Variants in TMIGD2 observed in about 807,000 individuals in gnomAD.
TMIGD2 encodes transmembrane and immunoglobulin domain-containing protein 2.
TMIGD2 carries 18 observed loss-of-function variants against 22.6 expected under a neutral mutation model. That is an observed-to-expected ratio of 0.80 (90% confidence interval 0.55 to 1.18). The LOEUF is 1.18. TMIGD2 is among the 50% of genes most tolerant of loss of function. The pLI is 0.00. For synonymous variants in TMIGD2, 184 were observed against 154.1 expected (o/e 1.19, Z -1.44); for missense variants, 361 against 378.2 (o/e 0.95, Z 0.38).
At position 4,294,093 on chromosome 19, in the gene TMIGD2, C is replaced by T. The variant is rs533158772; in HGVS notation, c.562+474G>A. The stretch of plus-strand genomic sequence containing the variant: ...TTAAATTTTTTTTTTTTTGAGACCG[C>T]GTCTTGCTCTGTCACCCAGGCTAGA... On this transcript the variant is annotated intron_variant, in intron 4 of 4. Coordinates refer to ENST00000301272, the Ensembl canonical transcript of TMIGD2. 2.6e-4 allele frequency among the ~76,000 whole-genome samples: 37 copies of T among 144,414 alleles called. 1 individual carries two copies. In the South Asian group the frequency reaches 4.4e-3, roughly 17 times the overall value. The allele number at this position is 144,414 out of a possible 152,430, so 94.7% of individuals were successfully genotyped here.
At chr19:4,297,786 C>A (rs113674560) in intron 2 of TMIGD2, among the ~76,000 whole-genome samples, 200 bp downstream of exon 2, 2 of 149,746 alleles carry the variant, frequency 1.3e-5, no homozygotes, top group Non-Finnish European at 3.0e-5. Context: ...ACCTAGGAGG[C>A]GGAGGTTGCA....
exon 2 of TMIGD2, chr19:4,298,039 A>G: frequency 6.2e-7 from 1 of 1,612,576 alleles, no homozygotes; most frequent in Non-Finnish European, 8.5e-7. Flanking sequence ...CAACTCAGGA[A>G]TCTCTACGGC....
At chr19:4,295,096 A>G (rs567517693) in intron 2 of TMIGD2, among the ~76,000 whole-genome samples, 2 of 137,540 alleles carry the variant, frequency 1.5e-5, no homozygotes, top group South Asian at 2.5e-4. Context: ...CCCCATCTCT[A>G]CAAAAAAATA....
At chr19:4,300,774 G>A (rs1427372100) in intron 1 of TMIGD2, among the ~76,000 whole-genome samples, 2 of 152,190 alleles carry the variant, frequency 1.3e-5, no homozygotes, top group African/African-American at 2.4e-5. Flanking sequence ...TGTGCCTGGC[G>A]TGTTGGAGGA....
At chr19:4,295,765 GAGCCTA>G (rs935161339) in intron 2 of TMIGD2, among the ~76,000 whole-genome samples, 25 of 152,186 alleles carry the variant, frequency 1.6e-4, no homozygotes, top group Middle Eastern at 3.4e-3. Flanking sequence ...GAGGCTCAGA[GAGCCTA>G]AGTCACTTGC....
chr19:4,292,872 G>A (rs1484467607), exon 5 of TMIGD2: 8 of 1,613,678 alleles, frequency 5.0e-6, no homozygotes, highest in Admixed American at 1.7e-5. Context: ...GGACGTTGCT[G>A]TAGAATGCAT....
At chr19:4,297,873 A>T in intron 2 of TMIGD2, 113 bp downstream of exon 2, 2 of 1,339,692 alleles carry the variant, frequency 1.5e-6, no homozygotes, top group South Asian at 1.7e-5. Context: ...AAAAAAAAAA[A>T]AGTTTGATAT....
Position 4,300,341 on chromosome 19 carries a change from G to A in TMIGD2, c.47-1996C>T, listed in dbSNP as rs1254729604. On this transcript the variant is annotated intron_variant, in intron 1 of 4. Coordinates refer to ENST00000301272, the Ensembl canonical transcript of TMIGD2. ...TGGGAGGCAGAGGCGGGCGGATCAC[G>A]AGGTCAGGAGATCAAGACCATCCTG... Among the ~76,000 whole-genome samples the A allele has an allele frequency of 3.3e-5, 5 of 151,036 alleles. 1 individual carries two copies. Among genetic ancestry groups the A allele is most frequent in the Middle Eastern group, 3.4e-3 (1 of 292 alleles).
At chr19:4,292,597 T>C in exon 5 of TMIGD2, 1 of 1,612,834 alleles carries the variant, frequency 6.2e-7, no homozygotes. Flanking sequence ...TCCTGGGATC[T>C]CTCACTCCTC....
chr19:4,292,594 A>G, exon 5 of TMIGD2: 1 of 1,612,604 alleles, frequency 6.2e-7, no homozygotes, highest in Non-Finnish European at 8.5e-7. Context: ...GTCTCCTGGG[A>G]TCTCTCACTC....
At chr19:4,296,139 G>C (rs369003298) in intron 2 of TMIGD2, among the ~76,000 whole-genome samples, 2 of 152,116 alleles carry the variant, frequency 1.3e-5, no homozygotes, top group Non-Finnish European at 2.9e-5. Context: ...AGCTGGTCTC[G>C]ACCTCCTGGC....
chr19:4,298,794 G>A (rs1971497928), intron 1 of TMIGD2, among the ~76,000 whole-genome samples: 1 of 152,078 alleles, frequency 6.6e-6, no homozygotes, highest in Non-Finnish European at 1.5e-5. Context: ...ACCTTTGGAA[G>A]GTCATGTCTT....
chr19:4,299,115 G>A (rs974272174), intron 1 of TMIGD2, among the ~76,000 whole-genome samples: 2 of 152,096 alleles, frequency 1.3e-5, no homozygotes, highest in Admixed American at 6.6e-5. Flanking sequence ...AGAGTAATCA[G>A]GGAAGGCCTC....
chr19:4,294,635 G>A lies in TMIGD2; in HGVS notation c.494C>T (p.Ala165Val), dbSNP rs778544233. ...CCAGAACCAGGCACCCCACACGATC[G>A]CAGCCACACCCATGCTTCCCACCCC... The change falls in exon 4 of 5, where the codon GCG becomes GTG. Residue 165 changes from alanine (A) to valine (V), a missense_variant. Ala to Val is a moderately conservative substitution (Grantham distance 64). Transcript: ENST00000301272. 4.4e-6 allele frequency: 7 copies of A among 1,606,286 alleles called. No individual in the cohort carries two copies. The highest frequency in any genetic ancestry group is 3.3e-5 in the South Asian group (3 of 90,030).
chr19:4,293,023 G>A (rs2144727604), intron 4 of TMIGD2, 138 bp from the exon 5 acceptor site: 8 of 1,309,270 alleles, frequency 6.1e-6, no homozygotes, highest in Non-Finnish European at 8.4e-6. Flanking sequence ...GAGTGCAGTG[G>A]CGCAATCTCG....
intron 2 of TMIGD2, 118 bp from the exon 3 acceptor site, chr19:4,294,934 G>A (rs973576082): frequency 1.9e-6 from 2 of 1,052,394 alleles, no homozygotes; most frequent in African/African-American, 1.6e-5. Context: ...ATTTGGGCAA[G>A]TGTTCACTCT....
chr19:4,293,260 C>CA (rs1555728420), intron 4 of TMIGD2, among the ~76,000 whole-genome samples: 2 of 112,408 alleles, frequency 1.8e-5, no homozygotes, highest in African/African-American at 7.1e-5. Context: ...CGCGCCCGGC[C>CA]TTTTTTTTTT....
intron 1 of TMIGD2, among the ~76,000 whole-genome samples, chr19:4,299,035 C>T (rs1167685065): frequency 6.6e-6 from 1 of 152,150 alleles, no homozygotes; most frequent in Non-Finnish European, 1.5e-5. Context: ...GAAATGAGAA[C>T]TGCAGTGGGG....
chr19:4,293,560 A>G (rs1447228710), intron 4 of TMIGD2, among the ~76,000 whole-genome samples: 1 of 134,758 alleles, frequency 7.4e-6, no homozygotes, highest in African/African-American at 2.8e-5. Context: ...GCACCCGGCC[A>G]ATTTTTTTTT....
Sources: gnomAD v4.1 joint callset for allele counts (sites outside exome capture counted in the v4.1 genomes callset) on GRCh38, gnomAD v4.1.1 for gene constraint, MANE v1.5 for transcripts, NCBI Gene and HGNC (gene_info 2026-07-23, HGNC 2026-07-21) for gene names.